The following SLC29A4 variants were observed in gnomAD, a reference collection of about 807,000 sequenced individuals.
The protein encoded by SLC29A4 is equilibrative nucleoside transporter 4.
In SLC29A4, 36 loss-of-function variants were observed where a neutral mutation model predicts 43.9. The ratio of observed to expected loss-of-function variants is 0.82; its 90% CI spans 0.63 to 1.08. SLC29A4 has a LOEUF of 1.08. Ranked by LOEUF, SLC29A4 falls within the 50% of genes least tolerant of loss-of-function variation. The pLI, the probability that SLC29A4 is intolerant of heterozygous loss-of-function variation, is 0.00. For synonymous variants in SLC29A4, 491 were observed against 338.0 expected (o/e 1.45, Z -4.97); for missense variants, 869 against 755.3 (o/e 1.15, Z -1.77).
intron 1 of SLC29A4, among the ~76,000 whole-genome samples, chr7:5,285,434 C>A (rs181505278): frequency 6.6e-6 from 1 of 152,352 alleles, no homozygotes; most frequent in Admixed American, 6.5e-5. Flanking sequence ...GCGTTGGCCC[C>A]CAGCTGTCAG....
Position 5,303,802 on chromosome 7 carries a change from C to A in SLC29A4, c.*863C>A, listed in dbSNP as rs1786338267. 1 of 152,232 alleles carries A rather than the reference C, an allele frequency of 6.6e-6. No individual in the cohort carries two copies. The highest frequency in any genetic ancestry group is 2.4e-5 in the African/African-American group (1 of 41,446). 9.4% of individuals were successfully genotyped at this position (152,232 alleles called of 1,614,324 possible). A position where few individuals can be genotyped will look rare whatever the true frequency, so the allele number is the denominator to read the frequency against. ...AAGGGACTCGACAGACCCAAGGGTC[C>A]CTGGAACGTAGGGAGGGGCTGGGGG... On this transcript the variant is annotated 3_prime_UTR_variant, in exon 11 of 11. Transcript: ENST00000396872.
intron 6 of SLC29A4, 143 bp from the exon 7 acceptor site, chr7:5,296,793 C>T (rs1451132641): frequency 6.9e-6 from 6 of 872,918 alleles, no homozygotes; most frequent in Non-Finnish European, 9.4e-6. Context: ...TGGTGGAGGG[C>T]GGGGCCTGTG....
Position 5,297,161 on chromosome 7 carries a change from G to C in SLC29A4, c.845G>C (p.Arg282Pro), listed in dbSNP as rs1785750470. The C allele has an allele frequency of 1.9e-6, 3 of 1,598,078 alleles. No individual in the cohort carries two copies. The highest frequency in any genetic ancestry group is 1.1e-5 in the South Asian group (1 of 90,788). The change falls in exon 7 of 11, where the codon CGC (arginine) becomes CCC (proline). Residue 282 changes from arginine (R) to proline (P), a missense_variant. Coordinates refer to ENST00000396872, the MANE Select transcript of SLC29A4 (RefSeq NM_153247.4). ...GGCCTGGGCAGGGGCTATGGCTACC[G>C]CGTGCACCACGACGTTGTCGCCGGG... Reference protein sequence around the residue: ...RPGLGRGYGYRVHHDVVAGDV... With the variant: ...RPGLGRGYGYPVHHDVVAGDV...
rs1011431175 is a variant in SLC29A4 at position 5,290,955 on chromosome 7, G to C, written c.301+92G>C. 85 of 1,547,000 alleles carry C rather than the reference G, an allele frequency of 5.5e-5. No individual in the cohort carries two copies. The Admixed American group carries it at 7.7e-4, about 14-fold the overall frequency. On this transcript the variant is annotated intron_variant, in intron 3 of 10. Coordinates refer to ENST00000396872, the MANE Select transcript of SLC29A4 (RefSeq NM_153247.4). ...ACCCCCGGCGGGGAGGGTCCTACAC[G>C]GGGACCTGTTTTATTCAGATCTCGG...
rs753124934 is a variant in SLC29A4 at position 5,297,106 on chromosome 7, C to T, written c.790C>T (p.Arg264Trp). The T allele has an allele frequency of 9.3e-6, 15 of 1,607,232 alleles. No homozygotes were observed. Among genetic ancestry groups the T allele is most frequent in the East Asian group, 2.2e-5 (1 of 44,882 alleles). The change falls in exon 7 of 11, where the codon CGG (arginine) becomes TGG (tryptophan). Residue 264 changes from arginine to tryptophan, a missense_variant. By Grantham distance (101) the Arg-to-Trp change is moderately radical. Coordinates refer to ENST00000396872, the MANE Select transcript of SLC29A4 (RefSeq NM_153247.4). ...CCGCTTCGTGCTCTTCTATACCACA[C>T]GGCCGCGTGACAGCCACCGGGGCAG... is the stretch of plus-strand genomic sequence containing the variant. ...RSRFVLFYTT[R>W]PRDSHRGRPG...
intron 7 of SLC29A4, 117 bp from the exon 8 acceptor site, chr7:5,298,871 C>T: frequency 4.5e-6 from 5 of 1,120,734 alleles, no homozygotes; most frequent in Non-Finnish European, 6.3e-6. Context: ...ACAGTAGGTA[C>T]CACCTGAATG....
chr7:5,300,339 G>A lies in SLC29A4; in HGVS notation c.1210-83G>A, dbSNP rs779079676. On this transcript the variant is annotated intron_variant, in intron 9 of 10. Coordinates refer to ENST00000396872, the MANE Select transcript of SLC29A4 (RefSeq NM_153247.4). ...CAGGCCCAGGAGTGTTTAGGGATGG[G>A]GATGTGGCTAGAGGCTGTCGGGGGT... 7.5e-6 allele frequency: 12 copies of A among 1,595,862 alleles called. No individual in the cohort carries two copies. In the East Asian group the frequency reaches 1.8e-4, roughly 24 times the overall value.
intron 6 of SLC29A4, among the ~76,000 whole-genome samples, 194 bp from the exon 7 acceptor site, chr7:5,296,742 C>T (rs1438420994): frequency 7.5e-6 from 1 of 132,496 alleles, no homozygotes; most frequent in African/African-American, 2.8e-5. Context: ...TGGGCGGGGC[C>T]GGCGGTGATG....
intron 7 of SLC29A4, among the ~76,000 whole-genome samples, chr7:5,298,313 C>A (rs1370377067): frequency 2.0e-5 from 3 of 152,120 alleles, no homozygotes; most frequent in African/African-American, 7.2e-5. Flanking sequence ...TAAGACCTGA[C>A]CCACAGGAAG....
At chr7:5,288,271 T>C (rs1386174874) in intron 2 of SLC29A4, among the ~76,000 whole-genome samples, 6 of 148,612 alleles carry the variant, frequency 4.0e-5, no homozygotes, top group Admixed American at 4.0e-4. Flanking sequence ...GAAGGGACCA[T>C]GGCTCATGCG....
chr7:5,300,482 C>T lies in SLC29A4; in HGVS notation c.1270C>T (p.Arg424Cys), dbSNP rs1191266756. The change falls in exon 10 of 11, where the codon CGT (arginine) becomes TGT (cysteine). Residue 424 changes from arginine to cysteine, a missense_variant. Coordinates refer to ENST00000396872, the MANE Select transcript of SLC29A4 (RefSeq NM_153247.4). Reference protein sequence around the residue: ...GTHLLACSCLRVVFIPLFILC... With the variant: ...GTHLLACSCLCVVFIPLFILC... Reference sequence around the variant, plus strand: ...CCACCTGCTGGCCTGCTCCTGCCTGCGTGTGGTCTTCATCCCCCTCTTCAT... The same window carrying T: ...CCACCTGCTGGCCTGCTCCTGCCTGTGTGTGGTCTTCATCCCCCTCTTCAT... 6.2e-6 allele frequency: 10 copies of T among 1,611,778 alleles called. No individual in the cohort carries two copies. The highest frequency in any genetic ancestry group is 1.3e-5 in the African/African-American group (1 of 74,974).
intron 6 of SLC29A4, among the ~76,000 whole-genome samples, chr7:5,295,408 C>T (rs1477776517): frequency 6.6e-6 from 1 of 152,182 alleles, no homozygotes; most frequent in African/African-American, 2.4e-5. Flanking sequence ...ACTCACGTCT[C>T]CTCCACCCAC....
At chr7:5,286,728 G>C (rs1447691622) in intron 1 of SLC29A4, among the ~76,000 whole-genome samples, 1 of 152,114 alleles carries the variant, frequency 6.6e-6, no homozygotes, top group Admixed American at 6.6e-5. Context: ...CCCGCCATAA[G>C]GGTGGTTGGC....
intron 1 of SLC29A4, among the ~76,000 whole-genome samples, chr7:5,284,003 C>G (rs369384648): frequency 6.7e-6 from 1 of 149,228 alleles, no homozygotes. Flanking sequence ...GAGGGGGTCA[C>G]TGGGCCAGGC....
intron 6 of SLC29A4, among the ~76,000 whole-genome samples, chr7:5,295,565 G>A (rs542505119): frequency 2.0e-5 from 3 of 152,358 alleles, no homozygotes; most frequent in East Asian, 3.9e-4. Context: ...CCCGGGTACC[G>A]GCACTGTGTG....
At chr7:5,296,593 G>C (rs1179130748) in intron 6 of SLC29A4, among the ~76,000 whole-genome samples, 5 of 105,362 alleles carry the variant, frequency 4.7e-5, no homozygotes, top group Admixed American at 3.0e-4. Context: ...TGAGTCGGGG[G>C]GTGGGGTGGG....
chr7:5,284,837 C>T (rs1784856702), intron 1 of SLC29A4, among the ~76,000 whole-genome samples: 1 of 152,224 alleles, frequency 6.6e-6, no homozygotes, highest in Non-Finnish European at 1.5e-5. Context: ...GGCTGGATGC[C>T]AAGCACGTCC....
Position 5,303,006 on chromosome 7 carries a change from C to G in SLC29A4, c.*67C>G, listed in dbSNP as rs1009691499. ...GGGGCCCCGAGGCCTGAGGGCCCCT[C>G]CCCTGTCCCCACCTCAGTGCCTGCG... On this transcript the variant is annotated 3_prime_UTR_variant, in exon 11 of 11. Transcript: ENST00000396872. 5.0e-5 allele frequency: 77 copies of G among 1,533,900 alleles called. No homozygotes were observed. Among genetic ancestry groups the G allele is most frequent in the Non-Finnish European group, 6.4e-5 (73 of 1,138,780 alleles).
At position 5,290,822 on chromosome 7, in the gene SLC29A4, G is replaced by A; in HGVS notation, c.260G>A (p.Ser87Asn). 3 of 1,613,944 alleles carry A rather than the reference G, an allele frequency of 1.9e-6. No individual in the cohort carries two copies. The change falls in exon 3 of 11, where the codon AGC (serine) becomes AAC (asparagine). Residue 87 changes from serine (S) to asparagine (N), a missense_variant. By Grantham distance (46) the Ser-to-Asn change is conservative (BLOSUM62 1). Transcript: ENST00000396872. ...AGVGFLLPYNSFITDVDYLHH... is the reference protein window; with the variant it reads ...AGVGFLLPYNNFITDVDYLHH... ...GTGGGCTTCCTGCTGCCATACAACA[G>A]CTTCATCACGGACGTGGACTACCTG...
Sources: allele counts gnomAD v4.1 joint callset (sites outside exome capture counted in the v4.1 genomes callset), GRCh38; gene constraint gnomAD v4.1.1; transcripts MANE v1.5; gene names NCBI Gene and HGNC (gene_info 2026-07-23, HGNC 2026-07-21).